TUSC3: variants seen among roughly 807,000 people sequenced by gnomAD.
TUSC3 encodes the protein tumor suppressor candidate 3, also known as dolichyl-diphosphooligosaccharide--protein glycosyltransferase subunit TUSC3.
A neutral mutation model predicts 44.8 loss-of-function variants in TUSC3; 45 were observed. The ratio of observed to expected loss-of-function variants is 1.00; its 90% CI spans 0.79 to 1.29. The LOEUF (loss-of-function observed/expected upper bound fraction) is 1.29, where lower values mean the gene tolerates loss of function less well. TUSC3 is among the 50% of genes most tolerant of loss of function. The pLI is 0.00. For missense variants in TUSC3, 519 were observed against 437.9 expected, an observed-to-expected ratio of 1.19 and a Z score of -1.65; for synonymous variants, 212 against 152.9, an observed-to-expected ratio of 1.39 and a Z score of -2.85.
In TUSC3 at chr8:15,443,556, C is replaced by T. The variant is rs546819959; in HGVS notation, n.91+26251C>T. Among the ~76,000 whole-genome samples the T allele has an allele frequency of 1.4e-4, 21 of 152,190 alleles. 1 individual carries two copies. Among genetic ancestry groups the T allele is most frequent in the African/African-American group, 4.8e-4 (20 of 41,520 alleles). ...TTAACCGAATCCATCTTGCTTCTAA[C>T]CTTTAAGCTGTTCTTATTCCTTCCT... On this transcript the variant is annotated intron_variant and non_coding_transcript_variant, in intron 1 of 5. Coordinates refer to the TUSC3 transcript ENST00000503191.
upstream of TUSC3, among the ~76,000 whole-genome samples, chr8:15,536,553 G>A (rs1158552154): frequency 6.6e-6 from 1 of 151,384 alleles, no homozygotes; most frequent in East Asian, 2.0e-4. Context: ...GTGGTGGCGG[G>A]TGCCTATACT....
At chr8:15,743,770 A>G (rs1585293136) in intron 8 of TUSC3, among the ~76,000 whole-genome samples, 158 bp downstream of exon 8, 1 of 152,292 alleles carries the variant, frequency 6.6e-6, no homozygotes, top group East Asian at 1.9e-4. Flanking sequence ...GGATGTGTTC[A>G]TATACTTGAA....
intron 2 of TUSC3, among the ~76,000 whole-genome samples, chr8:15,500,671 C>T (rs1174225588): frequency 6.6e-6 from 1 of 152,182 alleles, no homozygotes; most frequent in Non-Finnish European, 1.5e-5. Context: ...AACCCTAAAA[C>T]ACTCAGTAAA....
chr8:15,806,357 T>C, the TUSC3 span: 1 of 732,978 alleles, frequency 1.4e-6, no homozygotes, highest in Non-Finnish European at 2.6e-6. Flanking sequence ...CTACTCTGCA[T>C]TCCAGGTACT....
At chr8:15,741,997 C>T (rs1055538523) in intron 7 of TUSC3, among the ~76,000 whole-genome samples, 4 of 152,024 alleles carry the variant, frequency 2.6e-5, no homozygotes, top group African/African-American at 9.7e-5. Context: ...TCTGTGGATT[C>T]GGGGTAATGT....
chr8:15,767,972 A>G (rs76558834), downstream of TUSC3, among the ~76,000 whole-genome samples: 1,270 of 152,238 alleles, frequency 8.3e-3, 19 homozygotes, highest in African/African-American at 0.029. Context: ...TACCCAGGGC[A>G]GGATCCATGT....
At chr8:15,625,536 T>G (rs887937400) in intron 2 of TUSC3, among the ~76,000 whole-genome samples, 1 of 152,220 alleles carries the variant, frequency 6.6e-6, no homozygotes, top group Non-Finnish European at 1.5e-5. Context: ...CAGCACAGTT[T>G]GTTTATATCT....
chr8:15,756,200 TTAAC>T (rs1174343922), intron 9 of TUSC3, among the ~76,000 whole-genome samples: 1 of 152,176 alleles, frequency 6.6e-6, no homozygotes, highest in Non-Finnish European at 1.5e-5. Flanking sequence ...TTGGTTCCTC[TTAAC>T]TAACTTTGGG....
chr8:15,549,545 A>G (rs1051824560), intron 1 of TUSC3, among the ~76,000 whole-genome samples: 7 of 151,782 alleles, frequency 4.6e-5, no homozygotes, highest in African/African-American at 1.7e-4. Flanking sequence ...GGCATACCAA[A>G]TGAAATACAA....
chr8:15,767,672 T>G (rs1037019764), downstream of TUSC3, among the ~76,000 whole-genome samples: 2 of 152,144 alleles, frequency 1.3e-5, no homozygotes, highest in Non-Finnish European at 2.9e-5. Flanking sequence ...GGGAGCAGAA[T>G]AGACCTCATT....
intron 1 of TUSC3, among the ~76,000 whole-genome samples, chr8:15,428,801 A>G (rs1475051715): frequency 6.6e-6 from 1 of 151,914 alleles, no homozygotes; most frequent in Non-Finnish European, 1.5e-5. Context: ...TCCTTTGCCC[A>G]CTTTTTGATG....
At chr8:15,437,429 T>C (rs1021801823) in intron 1 of TUSC3, among the ~76,000 whole-genome samples, 1 of 152,208 alleles carries the variant, frequency 6.6e-6, no homozygotes, top group African/African-American at 2.4e-5. Context: ...AGAAAGAGAT[T>C]CGTGATTTTA....
chr8:15,688,383 C>T (rs1348335760), intron 6 of TUSC3, among the ~76,000 whole-genome samples: 3 of 150,628 alleles, frequency 2.0e-5, no homozygotes, highest in African/African-American at 4.9e-5. Context: ...GTAAGTTTTT[C>T]GTAACCTTAC....
intron 10 of TUSC3, among the ~76,000 whole-genome samples, chr8:15,760,662 A>G (rs1563210725): frequency 6.6e-6 from 1 of 152,206 alleles, no homozygotes; most frequent in Non-Finnish European, 1.5e-5. Context: ...GTTTCATTGA[A>G]ACGCAGCCAG....
chr8:15,636,598 C>T (rs1806088052), intron 2 of TUSC3, among the ~76,000 whole-genome samples: 2 of 152,168 alleles, frequency 1.3e-5, no homozygotes, highest in Non-Finnish European at 2.9e-5. Context: ...AATTCTCAGT[C>T]ATGGAGACTG....
intron 8 of TUSC3, among the ~76,000 whole-genome samples, chr8:15,746,887 G>T (rs1166992878): frequency 1.3e-5 from 2 of 151,990 alleles, no homozygotes; most frequent in Admixed American, 6.6e-5. Context: ...CCTGGTATGT[G>T]TCATACAGGG....
intron 1 of TUSC3, among the ~76,000 whole-genome samples, chr8:15,598,615 C>T (rs1209077343): frequency 1.3e-5 from 2 of 151,830 alleles, no homozygotes; most frequent in Admixed American, 1.3e-4. Context: ...CCAGTCTCCA[C>T]CCTCTGGCAA....
chr8:15,486,530 C>T (rs1054215436), intron 2 of TUSC3, among the ~76,000 whole-genome samples: 8 of 152,094 alleles, frequency 5.3e-5, no homozygotes, highest in Non-Finnish European at 8.8e-5. Context: ...CTGCAACCTC[C>T]GCCTCCCAGG....
intron 2 of TUSC3, among the ~76,000 whole-genome samples, chr8:15,523,577 T>C (rs1021428064): frequency 2.0e-5 from 3 of 150,224 alleles, no homozygotes; most frequent in Non-Finnish European, 4.4e-5. Context: ...AAATAATAAA[T>C]GCCTTGCCGA....
Sources: allele counts gnomAD v4.1 joint callset (sites outside exome capture counted in the v4.1 genomes callset), GRCh38; gene constraint gnomAD v4.1.1; transcripts MANE v1.5; gene names NCBI Gene and HGNC (gene_info 2026-07-23, HGNC 2026-07-21).